The following PDE1A variants were observed in gnomAD, a reference collection of about 807,000 sequenced individuals.
PDE1A encodes phosphodiesterase 1A, also known as dual specificity calcium/calmodulin-dependent 3',5'-cyclic nucleotide phosphodiesterase 1A.
Under a neutral mutation model 61.7 loss-of-function variants are expected in PDE1A, and 35 were observed. The observed-to-expected ratio is 0.57, with a 90% CI of 0.43 to 0.75. The LOEUF is 0.75. Ranked by LOEUF, PDE1A falls within the 30% of genes least tolerant of loss-of-function variation. The pLI, the probability that PDE1A is intolerant of heterozygous loss-of-function variation, is 0.00. For synonymous variants in PDE1A, 232 were observed against 213.2 expected (o/e 1.09, Z -0.77); for missense variants, 597 against 630.6 (o/e 0.95, Z 0.57).
chr2:182,369,277 C>G (rs1347735159), intron 1 of PDE1A, among the ~76,000 whole-genome samples: 1 of 152,202 alleles, frequency 6.6e-6, no homozygotes, highest in Admixed American at 6.5e-5. Flanking sequence ...AGTGTACATT[C>G]TTATTAAGCT....
the PDE1A span, among the ~76,000 whole-genome samples, chr2:182,584,271 G>C: frequency 6.6e-6 from 1 of 151,596 alleles, no homozygotes; most frequent in Non-Finnish European, 1.5e-5. Flanking sequence ...TGGACTTAGA[G>C]AGACTTCAAT....
In PDE1A at chr2:182,426,636, G is replaced by A. The variant is rs755230842; in HGVS notation, c.-6C>T. On this transcript the variant is annotated 5_prime_UTR_variant, in exon 1 of 14. Coordinates refer to ENST00000351439, the Ensembl canonical transcript of PDE1A. Reference sequence around the variant, plus strand: ...ATTGTGACATGGTCATCCATTTAAAGGTGAAGGTTTAACTTCTTCCTGGAA... The same window carrying A: ...ATTGTGACATGGTCATCCATTTAAAAGTGAAGGTTTAACTTCTTCCTGGAA... 8.1e-6 allele frequency: 13 copies of A among 1,612,474 alleles called. No homozygotes were observed. The South Asian group carries it at 1.2e-4, about 15-fold the overall frequency.
intron 1 of PDE1A, among the ~76,000 whole-genome samples, chr2:182,307,491 T>G (rs1361327959): frequency 1.3e-5 from 2 of 152,184 alleles, no homozygotes; most frequent in African/African-American, 4.8e-5. Flanking sequence ...ATTTTTGTCT[T>G]TTGAGCCTCC....
intron 1 of PDE1A, among the ~76,000 whole-genome samples, chr2:182,394,748 A>G (rs1701608584): frequency 1.3e-5 from 2 of 152,364 alleles, no homozygotes; most frequent in South Asian, 4.1e-4. Flanking sequence ...CATAATTGGC[A>G]TAGACATACT....
intron 7 of PDE1A, among the ~76,000 whole-genome samples, chr2:182,209,940 A>C (rs968813296): frequency 1.3e-5 from 2 of 152,138 alleles, no homozygotes; most frequent in Non-Finnish European, 2.9e-5. Flanking sequence ...AGTAATATGC[A>C]TTCATGTTTC....
the PDE1A span, among the ~76,000 whole-genome samples, chr2:182,620,072 G>A: frequency 2.6e-5 from 4 of 152,254 alleles, no homozygotes; most frequent in East Asian, 5.8e-4. Flanking sequence ...TTTTGGAGGG[G>A]ATGAACATTC....
At chr2:182,285,194 G>A (rs561633864) in intron 1 of PDE1A, among the ~76,000 whole-genome samples, 1 of 152,168 alleles carries the variant, frequency 6.6e-6, no homozygotes, top group East Asian at 1.9e-4. Flanking sequence ...TATATCTAAG[G>A]ATACTCCTTG....
chr2:182,177,270 T>C (rs925672311), intron 13 of PDE1A, among the ~76,000 whole-genome samples: 6 of 152,084 alleles, frequency 3.9e-5, no homozygotes, highest in Admixed American at 2.0e-4. Flanking sequence ...GGCACCAGTT[T>C]CTCCTTGTAC....
chr2:182,212,919 C>T (rs1278368391), intron 7 of PDE1A, among the ~76,000 whole-genome samples: 3 of 151,744 alleles, frequency 2.0e-5, no homozygotes, highest in Non-Finnish European at 2.9e-5. Flanking sequence ...CCCACCACAG[C>T]TCAAGGAGGC....
chr2:182,237,827 G>A (rs1042523403), intron 3 of PDE1A, among the ~76,000 whole-genome samples: 1 of 152,132 alleles, frequency 6.6e-6, no homozygotes, highest in African/African-American at 2.4e-5. Flanking sequence ...GCAGGAAAGA[G>A]CTTAGAAATG....
rs1257337321 is a variant in PDE1A, at chr2:182,236,436, T to C, written c.351-1938A>G. ...TGGAGGTGCAGGGGAAATGGAAGGA[T>C]GATGAACAGGCAAAAGCGTCAATAT... On this transcript the variant is annotated intron_variant, in intron 3 of 13. Transcript: ENST00000351439. 3.3e-5 allele frequency among the ~76,000 whole-genome samples: 5 copies of C among 151,702 alleles called. No homozygotes were observed. In the East Asian group the frequency reaches 9.6e-4, roughly 29 times the overall value.
intron 1 of PDE1A, among the ~76,000 whole-genome samples, chr2:182,274,923 A>T (rs1008732635): frequency 1.3e-5 from 2 of 152,130 alleles, no homozygotes; most frequent in African/African-American, 4.8e-5. Flanking sequence ...ACGCATCATC[A>T]CTGGTATAAA....
the PDE1A span, among the ~76,000 whole-genome samples, chr2:182,713,639 A>C: frequency 6.6e-6 from 1 of 152,110 alleles, no homozygotes; most frequent in Non-Finnish European, 1.5e-5. Flanking sequence ...CTCAAAAAAT[A>C]CTAAATAAAT....
chr2:182,325,186 G>A (rs1326948290), intron 1 of PDE1A, among the ~76,000 whole-genome samples: 1 of 152,186 alleles, frequency 6.6e-6, no homozygotes, highest in Non-Finnish European at 1.5e-5. Flanking sequence ...TCTCAAGTAT[G>A]AGAGTAATGG....
chr2:182,218,041 T>C (rs1235408553), intron 7 of PDE1A, among the ~76,000 whole-genome samples: 11 of 148,524 alleles, frequency 7.4e-5, no homozygotes, highest in Non-Finnish European at 1.4e-4. Context: ...AATGATAGAC[T>C]GGATTAAGAA....
upstream of PDE1A, among the ~76,000 whole-genome samples, chr2:182,430,410 T>C (rs1191300253): frequency 1.0e-4 from 9 of 88,716 alleles, no homozygotes; most frequent in African/African-American, 2.6e-4. Flanking sequence ...CTATGAGATA[T>C]CATCTCACAC....
At chr2:182,252,686 C>T (rs774645819) in intron 2 of PDE1A, among the ~76,000 whole-genome samples, 25 of 152,250 alleles carry the variant, frequency 1.6e-4, no homozygotes, top group Admixed American at 8.5e-4. Context: ...GATAAGTTTC[C>T]AGGATCCTGC....
At chr2:182,349,737 C>A (rs890891688) in intron 1 of PDE1A, among the ~76,000 whole-genome samples, 3 of 152,006 alleles carry the variant, frequency 2.0e-5, no homozygotes, top group Non-Finnish European at 4.4e-5. Flanking sequence ...TCCAGCCTGG[C>A]AGCAGAGTGA....
At chr2:182,354,151 G>T (rs1699046385) in intron 1 of PDE1A, among the ~76,000 whole-genome samples, 1 of 152,044 alleles carries the variant, frequency 6.6e-6, no homozygotes. Flanking sequence ...GTTTAAGCAA[G>T]AAATAAATTA....
Sources: allele counts gnomAD v4.1 joint callset (sites outside exome capture counted in the v4.1 genomes callset), GRCh38; gene constraint gnomAD v4.1.1; transcripts MANE v1.5; gene names NCBI Gene and HGNC (gene_info 2026-07-23, HGNC 2026-07-21).